The following STARD13 variants were observed in gnomAD, a reference collection of about 807,000 sequenced individuals.
STARD13 encodes the protein StAR related lipid transfer domain containing 13.
In STARD13, 62 loss-of-function variants were observed where a neutral mutation model predicts 106.4. That is an observed-to-expected ratio of 0.58 (90% CI 0.48 to 0.72). STARD13 has a LOEUF of 0.72. Ranked by LOEUF, STARD13 falls within the 30% of genes least tolerant of loss-of-function variation. STARD13 has a pLI of 0.00. For synonymous variants in STARD13, 565 were observed against 553.0 expected, an observed-to-expected ratio of 1.02 and a Z score of -0.31; for missense variants, 1,387 against 1,424.0, an observed-to-expected ratio of 0.97 and a Z score of 0.42.
At chr13:33,108,057 A>C (rs2858822) in intron 12 of STARD13, among the ~76,000 whole-genome samples, 123,305 of 152,124 alleles carry the variant, frequency 0.81, 50,151 homozygotes, top group African/African-American at 0.86. Context: ...TCATGAACGA[A>C]GATGTGATAA....
intron 1 of STARD13, among the ~76,000 whole-genome samples, chr13:33,303,542 AAG>A (rs1892796657): frequency 6.6e-6 from 1 of 152,176 alleles, no homozygotes; most frequent in Admixed American, 6.5e-5. Context: ...AAATTATCAG[AAG>A]TTTTGATTGA....
In STARD13 at chr13:33,112,998, T is replaced by G. The variant is rs1874844532; in HGVS notation, c.2282-67A>C. 4 of 1,246,132 alleles carry G rather than the reference T, an allele frequency of 3.2e-6. No individual in the cohort carries two copies. In the East Asian group the frequency reaches 7.0e-5, roughly 22 times the overall value. 77.2% of individuals were successfully genotyped at this position (1,246,132 alleles called of 1,614,324 possible). A position where few individuals can be genotyped will look rare whatever the true frequency, so the allele number is the denominator to read the frequency against. ...AGAAAGAGCCAGCTGGGAAGCACTG[T>G]GTAAGCTCCACATTCCTCGTGTGAA... is the stretch of plus-strand genomic sequence containing the variant. On this transcript the variant is annotated intron_variant, in intron 8 of 13. Transcript: ENST00000336934.
At chr13:33,606,020 C>G in the STARD13 span, among the ~76,000 whole-genome samples, 3 of 152,114 alleles carry the variant, frequency 2.0e-5, no homozygotes, top group Admixed American at 2.0e-4. Flanking sequence ...AGGTGACAGG[C>G]CAAGCACGGT....
intron 1 of STARD13, among the ~76,000 whole-genome samples, chr13:33,216,188 A>G (rs1049959362): frequency 1.3e-5 from 2 of 152,266 alleles, no homozygotes; most frequent in African/African-American, 4.8e-5. Context: ...TAGAACTGCC[A>G]TTTGACCCAG....
intron 1 of STARD13, 146 bp downstream of exon 1, chr13:33,285,324 A>T (rs1892000382): frequency 1.1e-6 from 1 of 873,606 alleles, no homozygotes; most frequent in Non-Finnish European, 1.7e-6. Context: ...TGCAGCCTAA[A>T]GTTATTTTTC....
chr13:33,117,631 T>A (rs1486730969), intron 8 of STARD13: 6 of 978,706 alleles, frequency 6.1e-6, no homozygotes, highest in Non-Finnish European at 7.3e-6. Context: ...TGTGCTAAAA[T>A]ACATTTGTTT....
At chr13:33,530,594 C>T in the STARD13 span, among the ~76,000 whole-genome samples, 6 of 152,188 alleles carry the variant, frequency 3.9e-5, no homozygotes, top group South Asian at 1.2e-3. Flanking sequence ...TCAACTTGTT[C>T]TTGTCTTCTG....
intron 1 of STARD13, among the ~76,000 whole-genome samples, chr13:33,340,022 T>C (rs1401889170): frequency 2.0e-5 from 3 of 152,232 alleles, no homozygotes; most frequent in Non-Finnish European, 4.4e-5. Flanking sequence ...ATTTCTGTGA[T>C]GAATACAACT....
chr13:33,345,408 G>T (rs2078007042), downstream of STARD13, among the ~76,000 whole-genome samples: 2 of 152,144 alleles, frequency 1.3e-5, no homozygotes, highest in Admixed American at 1.3e-4. Flanking sequence ...TGGTCCACAG[G>T]TCTCCACAAA....
intron 1 of STARD13, among the ~76,000 whole-genome samples, chr13:33,296,166 T>A (rs971144122): frequency 8.6e-5 from 13 of 151,934 alleles, no homozygotes; most frequent in African/African-American, 3.1e-4. Context: ...GAGACAGAGT[T>A]TGCAGTGAGC....
At chr13:33,310,781 T>C (rs1463755948) in intron 1 of STARD13, among the ~76,000 whole-genome samples, 1 of 152,094 alleles carries the variant, frequency 6.6e-6, no homozygotes, top group African/African-American at 2.4e-5. Context: ...GAGAAATGTG[T>C]CCTTAGGCAA....
the STARD13 span, among the ~76,000 whole-genome samples, chr13:33,473,240 GA>G: frequency 6.6e-6 from 1 of 152,176 alleles, no homozygotes; most frequent in African/African-American, 2.4e-5. Context: ...TATCATCTAT[GA>G]AGGCCCTATA....
At chr13:33,313,784 T>C (rs958143584) in intron 1 of STARD13, among the ~76,000 whole-genome samples, 1 of 152,172 alleles carries the variant, frequency 6.6e-6, no homozygotes, top group Non-Finnish European at 1.5e-5. Context: ...GGGCAATCAT[T>C]AAACTCTCCT....
At chr13:33,505,645 A>G in the STARD13 span, among the ~76,000 whole-genome samples, 22 of 152,292 alleles carry the variant, frequency 1.4e-4, no homozygotes, top group African/African-American at 5.3e-4. Context: ...CTTTTGTTAA[A>G]TTTTTTATCC....
chr13:33,540,593 T>G, the STARD13 span, among the ~76,000 whole-genome samples: 1 of 152,336 alleles, frequency 6.6e-6, no homozygotes, highest in African/African-American at 2.4e-5. Flanking sequence ...CGGTTGACAG[T>G]TGGTAACTGA....
At chr13:33,415,448 TA>T in the STARD13 span, among the ~76,000 whole-genome samples, 1 of 152,216 alleles carries the variant, frequency 6.6e-6, no homozygotes, top group Non-Finnish European at 1.5e-5. Context: ...GGGAAATGAT[TA>T]ACTTATAATT....
At chr13:33,456,190 C>T in the STARD13 span, among the ~76,000 whole-genome samples, 16 of 152,066 alleles carry the variant, frequency 1.1e-4, no homozygotes, top group Middle Eastern at 6.8e-3. Flanking sequence ...ATTTTCTTTT[C>T]TTTTCTTTTC....
chr13:33,210,982 G>C (rs1887683984), intron 1 of STARD13, among the ~76,000 whole-genome samples: 1 of 151,898 alleles, frequency 6.6e-6, no homozygotes, highest in South Asian at 2.1e-4. Flanking sequence ...TTGACATAAA[G>C]GAATGAGAAA....
At chr13:33,388,787 C>T in the STARD13 span, among the ~76,000 whole-genome samples, 7 of 152,098 alleles carry the variant, frequency 4.6e-5, no homozygotes, top group African/African-American at 1.7e-4. Flanking sequence ...CTGTCCCAGA[C>T]TCTAAGATCA....
Sources: allele counts gnomAD v4.1 joint callset (sites outside exome capture counted in the v4.1 genomes callset), GRCh38; gene constraint gnomAD v4.1.1; transcripts MANE v1.5; gene names NCBI Gene and HGNC (gene_info 2026-07-23, HGNC 2026-07-21).